The following STXBP5L variants were observed in gnomAD, a reference collection of about 807,000 sequenced individuals.
STXBP5L encodes the protein syntaxin binding protein 5L.
STXBP5L carries 65 observed loss-of-function variants against 144.5 expected under a neutral mutation model. The observed-to-expected ratio is 0.45, with a 90% confidence interval of 0.37 to 0.55. STXBP5L has a LOEUF of 0.55. Ranked by LOEUF, STXBP5L falls within the 20% of genes least tolerant of loss-of-function variation. The pLI is 0.00. For missense variants in STXBP5L, 1,298 were observed against 1,405.5 expected (o/e 0.92, Z 1.22); for synonymous variants, 505 against 469.6 (o/e 1.08, Z -0.97).
intron 3 of STXBP5L, among the ~76,000 whole-genome samples, chr3:121,015,008 T>G (rs1267035028): frequency 1.3e-5 from 2 of 152,012 alleles, no homozygotes; most frequent in Non-Finnish European, 2.9e-5. Context: ...CAGATAGAAA[T>G]TATAGAAGAC....
chr3:121,151,656 T>G (rs2045937476), intron 7 of STXBP5L, among the ~76,000 whole-genome samples: 2 of 152,148 alleles, frequency 1.3e-5, no homozygotes, highest in African/African-American at 4.8e-5. Flanking sequence ...GAAAATCATC[T>G]TAAGGCAAAT....
chr3:121,415,875 T>G lies in STXBP5L; in HGVS notation c.3133T>G (p.Phe1045Val). 6.2e-7 allele frequency: 1 copy of G among 1,608,046 alleles called. No homozygotes were observed. Among genetic ancestry groups the G allele is most frequent in the Non-Finnish European group, 8.5e-7 (1 of 1,176,700 alleles). Residue 1045 changes from phenylalanine (F) to valine (V), a missense_variant, in exon 25 of 27, where the codon TTT (phenylalanine) becomes GTT (valine). Physicochemically the swap from Phe to Val is conservative, Grantham distance 50. Coordinates refer to ENST00000471454, the MANE Select transcript of STXBP5L (RefSeq NM_001308330.2). Reference sequence around the variant, plus strand: ...GATGCAGGACATGCTAGGAGATTTGTTTACTCCCATAGAGACACCAGAAGC... The same window carrying G: ...GATGCAGGACATGCTAGGAGATTTGGTTACTCCCATAGAGACACCAGAAGC... ...DNLQDMLGDLFTPIETPEAQN... is the reference protein window; with the variant it reads ...DNLQDMLGDLVTPIETPEAQN...
chr3:121,381,596 T>C (rs1009597665), intron 22 of STXBP5L, 64 bp downstream of exon 22: 6 of 1,558,750 alleles, frequency 3.8e-6, no homozygotes, highest in Non-Finnish European at 5.2e-6. Flanking sequence ...TAAGGTATTA[T>C]AAACATAAAT....
intron 19 of STXBP5L, among the ~76,000 whole-genome samples, chr3:121,287,221 A>T (rs1342935387): frequency 6.6e-6 from 1 of 152,226 alleles, no homozygotes; most frequent in Non-Finnish European, 1.5e-5. Context: ...TTGTACTGGA[A>T]ATTTTAGACA....
intron 3 of STXBP5L, among the ~76,000 whole-genome samples, chr3:120,956,334 C>T (rs1455405411): frequency 6.6e-6 from 1 of 151,704 alleles, no homozygotes; most frequent in Admixed American, 6.6e-5. Flanking sequence ...TCTCCATGTC[C>T]CTCTTCTTCT....
At chr3:121,189,402 A>G (rs1006559819) in intron 9 of STXBP5L, among the ~76,000 whole-genome samples, 7 of 152,204 alleles carry the variant, frequency 4.6e-5, no homozygotes, top group African/African-American at 1.2e-4. Context: ...TTTTGTATAA[A>G]GTGTAAGGAA....
chr3:120,960,957 C>G (rs910840489), intron 3 of STXBP5L, among the ~76,000 whole-genome samples: 5 of 151,228 alleles, frequency 3.3e-5, no homozygotes, highest in African/African-American at 9.7e-5. Flanking sequence ...TTGGGATTTT[C>G]TTTGGTGAAA....
At chr3:120,964,511 G>C (rs1056202210) in intron 3 of STXBP5L, among the ~76,000 whole-genome samples, 1 of 152,028 alleles carries the variant, frequency 6.6e-6, no homozygotes, top group African/African-American at 2.4e-5. Context: ...CTTTATTTCT[G>C]CCTTCATTTC....
intron 7 of STXBP5L, among the ~76,000 whole-genome samples, chr3:121,139,528 G>C (rs2045406557): frequency 6.6e-6 from 1 of 151,976 alleles, no homozygotes; most frequent in African/African-American, 2.4e-5. Flanking sequence ...AGGCAATGTG[G>C]CTCAGAGTCA....
At position 121,275,443 on chromosome 3, in the gene STXBP5L, C is replaced by T. The variant is rs182404894; in HGVS notation, c.1959-4362C>T. ...AACAATAATTATAATTTTTAATGTA[C>T]AGATTTTCCACATTTGCTGTTAAAT... is the stretch of plus-strand genomic sequence containing the variant. On this transcript the variant is annotated intron_variant, in intron 18 of 26. Transcript: ENST00000471454. 2.6e-3 allele frequency among the ~76,000 whole-genome samples: 391 copies of T among 152,204 alleles called. 2 individuals are homozygous for T. In the South Asian group the frequency reaches 0.026, roughly 10 times the overall value.
chr3:121,119,633 A>G (rs1214080350), intron 6 of STXBP5L, among the ~76,000 whole-genome samples: 1 of 151,336 alleles, frequency 6.6e-6, no homozygotes, highest in Non-Finnish European at 1.5e-5. Context: ...TCCAAAGTCC[A>G]CAGATGCTTT....
At chr3:121,049,485 T>A (rs1947782081) in intron 5 of STXBP5L, among the ~76,000 whole-genome samples, 1 of 152,036 alleles carries the variant, frequency 6.6e-6, no homozygotes, top group Non-Finnish European at 1.5e-5. Flanking sequence ...CGATTGCCCC[T>A]AATCACTGAG....
chr3:120,936,102 T>C (rs545442349), intron 2 of STXBP5L, among the ~76,000 whole-genome samples: 23 of 152,306 alleles, frequency 1.5e-4, no homozygotes, highest in Non-Finnish European at 2.1e-4. Context: ...TTCTTCAAGC[T>C]CACTCTTTTC....
intron 9 of STXBP5L, among the ~76,000 whole-genome samples, chr3:121,175,402 A>G (rs2046893706): frequency 6.6e-6 from 1 of 152,184 alleles, no homozygotes; most frequent in Non-Finnish European, 1.5e-5. Flanking sequence ...AAAAATATTT[A>G]TCTCCATATC....
At chr3:121,270,233 T>TG (rs1491354904) in intron 18 of STXBP5L, among the ~76,000 whole-genome samples, 2 of 14,920 alleles carry the variant, frequency 1.3e-4, no homozygotes, top group African/African-American at 4.3e-4. Flanking sequence ...GAAGAAGAGC[T>TG]TTTTTTTTTT....
rs533850485 is a variant in STXBP5L, at chr3:121,078,165, C to T, written c.470+32630C>T. ...GAGCATCAATTGGTGCATTCACAAA[C>T]CCTGAACTAGACACAGGGTGCAGAT... On this transcript the variant is annotated intron_variant, in intron 5 of 26. Transcript: ENST00000471454. Among the ~76,000 whole-genome samples the T allele has an allele frequency of 1.4e-3, 215 of 152,120 alleles. 1 individual carries two copies. Among genetic ancestry groups the T allele is most frequent in the African/African-American group, 4.2e-3 (175 of 41,440 alleles).
At chr3:121,013,997 A>C (rs866503659) in intron 3 of STXBP5L, among the ~76,000 whole-genome samples, 1 of 151,938 alleles carries the variant, frequency 6.6e-6, no homozygotes, top group Non-Finnish European at 1.5e-5. Flanking sequence ...ATTGGTCTGT[A>C]TGTCTGTTTT....
intron 9 of STXBP5L, among the ~76,000 whole-genome samples, chr3:121,192,440 A>G (rs1449805867): frequency 2.0e-5 from 3 of 152,138 alleles, no homozygotes; most frequent in Non-Finnish European, 4.4e-5. Context: ...CAAGCTATCA[A>G]TGACTTTCTT....
chr3:121,126,871 G>C (rs946221634), intron 7 of STXBP5L, among the ~76,000 whole-genome samples: 1 of 152,128 alleles, frequency 6.6e-6, no homozygotes, highest in Non-Finnish European at 1.5e-5. Flanking sequence ...AAAATTCCTT[G>C]GCTTGCAGCC....
Sources: gnomAD v4.1 joint callset for allele counts (sites outside exome capture counted in the v4.1 genomes callset) on GRCh38, gnomAD v4.1.1 for gene constraint, MANE v1.5 for transcripts, NCBI Gene and HGNC (gene_info 2026-07-23, HGNC 2026-07-21) for gene names.